Variants in HDX observed in about 807,000 individuals in gnomAD.
HDX encodes the protein highly divergent homeobox.
HDX carries 19 observed loss-of-function variants against 45.2 expected under a neutral mutation model. The observed-to-expected ratio is 0.42, with a 90% CI of 0.29 to 0.62. HDX has a LOEUF of 0.62. HDX is among the 20% of genes least tolerant of loss of function. The pLI is 0.20. For missense variants in HDX, 532 were observed against 493.9 expected, an observed-to-expected ratio of 1.08 and a Z score of -0.73; for synonymous variants, 188 against 172.8, an observed-to-expected ratio of 1.09 and a Z score of -0.69.
chrX:84,422,666 T>G (rs985164144), intron 5 of HDX, among the ~76,000 whole-genome samples: 1 of 84,116 alleles, frequency 1.2e-5, no homozygotes, highest in Non-Finnish European at 2.4e-5. Context: ...ATAAAAGGTT[T>G]TTTTTTTTTT....
At chrX:84,436,726 C>T (rs1418442696) in intron 5 of HDX, among the ~76,000 whole-genome samples, 1 of 111,579 alleles carries the variant, frequency 9.0e-6, no homozygotes, top group Non-Finnish European at 1.9e-5. Flanking sequence ...TGTGTTGAGA[C>T]TTGTCTGTGT....
intron 6 of HDX, among the ~76,000 whole-genome samples, chrX:84,352,194 A>G (rs966841330): frequency 2.7e-5 from 3 of 112,401 alleles, no homozygotes; most frequent in Admixed American, 1.9e-4. Context: ...GCAGGGCAAA[A>G]CAGAAGAACT....
intron 5 of HDX, among the ~76,000 whole-genome samples, chrX:84,425,962 TATA>T (rs2039373879): frequency 9.2e-6 from 1 of 108,255 alleles, no homozygotes; most frequent in African/African-American, 3.5e-5. Context: ...ACTTAAGGAG[TATA>T]ATTATATTGT....
At chrX:84,388,331 TG>T (rs1278723898) in intron 5 of HDX, among the ~76,000 whole-genome samples, 2 of 111,273 alleles carry the variant, frequency 1.8e-5, no homozygotes, top group African/African-American at 3.3e-5. Context: ...ATGTATTTCT[TG>T]GATTGCATGT....
At chrX:84,498,821 G>GCACACACA (rs202067754) in intron 1 of HDX, among the ~76,000 whole-genome samples, 2 of 94,681 alleles carry the variant, frequency 2.1e-5, no homozygotes, top group East Asian at 3.6e-4. Flanking sequence ...TGGAATGTAT[G>GCACACACA]CACACACACA....
intron 6 of HDX, among the ~76,000 whole-genome samples, chrX:84,346,528 C>G (rs2037210017): frequency 1.8e-5 from 2 of 111,246 alleles, no homozygotes; most frequent in African/African-American, 3.3e-5. Flanking sequence ...TGGCAGAGGG[C>G]TAGCCACAGA....
chrX:84,395,001 T>A, intron 5 of HDX, among the ~76,000 whole-genome samples: 1 of 111,493 alleles, frequency 9.0e-6, no homozygotes, highest in South Asian at 3.7e-4. Context: ...TTAAGGTTAT[T>A]ATTGCTATAT....
chrX:84,363,857 T>C (rs2037678059), intron 5 of HDX, among the ~76,000 whole-genome samples: 1 of 111,553 alleles, frequency 9.0e-6, no homozygotes, highest in Non-Finnish European at 1.9e-5. Context: ...TCATGAAACC[T>C]AAACCTGTGG....
At chrX:84,467,652 A>G (rs963797964) in intron 4 of HDX, among the ~76,000 whole-genome samples, 65 of 109,419 alleles carry the variant, frequency 5.9e-4, no homozygotes, top group Non-Finnish European at 9.5e-4. Context: ...AAAAGAAAAG[A>G]AAAGATAAGA....
At chrX:84,328,777 C>G (rs1261612910) in intron 9 of HDX, among the ~76,000 whole-genome samples, 1 of 111,659 alleles carries the variant, frequency 9.0e-6, no homozygotes. Flanking sequence ...ACGTGTCAAC[C>G]TCTATAAAAT....
chrX:84,446,748 T>A (rs777259052), intron 4 of HDX, among the ~76,000 whole-genome samples: 39 of 112,049 alleles, frequency 3.5e-4, no homozygotes, highest in African/African-American at 1.1e-3. Flanking sequence ...AGCAACCAAT[T>A]GAGTGTACAA....
intron 4 of HDX, among the ~76,000 whole-genome samples, chrX:84,461,871 A>G (rs1019201832): frequency 2.7e-5 from 3 of 112,620 alleles, no homozygotes; most frequent in Non-Finnish European, 3.8e-5. Flanking sequence ...CTGAACAGAC[A>G]TTTCTCGAAA....
chrX:84,349,834 A>T (rs1413509886), intron 6 of HDX, among the ~76,000 whole-genome samples: 1 of 109,350 alleles, frequency 9.1e-6, no homozygotes, highest in Non-Finnish European at 1.9e-5. Context: ...ATAACACATG[A>T]TATCACTTGT....
At chrX:84,450,826 A>T (rs2039981979) in intron 4 of HDX, among the ~76,000 whole-genome samples, 1 of 112,199 alleles carries the variant, frequency 8.9e-6, no homozygotes, top group Non-Finnish European at 1.9e-5. Context: ...CACTTTTTTA[A>T]ATTACAACTA....
intron 5 of HDX, among the ~76,000 whole-genome samples, chrX:84,368,918 T>C (rs1298932491): frequency 2.7e-5 from 3 of 110,840 alleles, no homozygotes; most frequent in Non-Finnish European, 5.7e-5. Context: ...CAGTTCACAA[T>C]AGGGTTCCTG....
At chrX:84,326,914 C>CAA (rs11361719) in intron 9 of HDX, among the ~76,000 whole-genome samples, 13 of 79,591 alleles carry the variant, frequency 1.6e-4, no homozygotes, top group South Asian at 6.8e-4. Context: ...GAGACTGTCT[C>CAA]AAAAAAAAAA....
At chrX:84,449,005 T>A (rs1317402366) in intron 4 of HDX, among the ~76,000 whole-genome samples, 2 of 107,555 alleles carry the variant, frequency 1.9e-5, no homozygotes, top group Non-Finnish European at 3.8e-5. Flanking sequence ...TCTAAAAAAT[T>A]CATGGAATCA....
At chrX:84,356,708 C>T (rs1353671448) in intron 6 of HDX, among the ~76,000 whole-genome samples, 1 of 103,679 alleles carries the variant, frequency 9.6e-6, no homozygotes, top group African/African-American at 3.6e-5. Context: ...CTGCAAGCTC[C>T]GCCTCCCAGG....
rs966373090 is a variant in HDX, at chrX:84,375,792, C to T, written c.1306-14180G>A. 8.2e-5 allele frequency among the ~76,000 whole-genome samples: 9 copies of T among 109,840 alleles called. No homozygotes were observed. In the East Asian group the frequency reaches 2.3e-3, roughly 28 times the overall value. ...ATAGCATTAGGAGATATACCTAATG[C>T]TAAATGACGAGTTAATGGGTGCAGC... On this transcript the variant is annotated intron_variant, in intron 5 of 10. Transcript: ENST00000373177.
Sources: allele counts gnomAD v4.1 joint callset (sites outside exome capture counted in the v4.1 genomes callset), GRCh38; gene constraint gnomAD v4.1.1; transcripts MANE v1.5; gene names NCBI Gene and HGNC (gene_info 2026-07-23, HGNC 2026-07-21).